Variants in UNC5D observed in about 807,000 individuals in gnomAD.
The protein encoded by UNC5D is netrin receptor UNC5D.
In UNC5D, 39 loss-of-function variants were observed where a neutral mutation model predicts 105.4. That is an observed-to-expected ratio of 0.37 (90% CI 0.29 to 0.48). UNC5D has a LOEUF of 0.48. Among genes scored for constraint, UNC5D ranks in the 20% least tolerant of loss-of-function variants. The pLI, the probability that UNC5D is intolerant of heterozygous loss-of-function variation, is 0.98. For synonymous variants in UNC5D, 452 were observed against 450.4 expected (o/e 1.00, Z -0.04); for missense variants, 991 against 1,202.4 (o/e 0.82, Z 2.60).
chr8:35,726,085 G>C, intron 9 of UNC5D, 67 bp from the exon 10 acceptor site: 1 of 1,534,576 alleles, frequency 6.5e-7, no homozygotes, highest in Non-Finnish European at 8.8e-7. Flanking sequence ...GTTTGCAGAG[G>C]CAGAAGTACA....
intron 7 of UNC5D, among the ~76,000 whole-genome samples, chr8:35,704,006 G>A (rs1008552379): frequency 8.5e-5 from 13 of 152,114 alleles, no homozygotes; most frequent in African/African-American, 2.4e-4. Context: ...AACTAGTACC[G>A]TCACATCTGT....
At chr8:35,473,462 T>A (rs994132033) in intron 1 of UNC5D, among the ~76,000 whole-genome samples, 4 of 152,154 alleles carry the variant, frequency 2.6e-5, no homozygotes, top group African/African-American at 7.2e-5. Context: ...CCTCACACAC[T>A]TTTTTCTCAT....
At chr8:35,608,105 A>G (rs1820432648) in intron 4 of UNC5D, among the ~76,000 whole-genome samples, 1 of 152,210 alleles carries the variant, frequency 6.6e-6, no homozygotes, top group Non-Finnish European at 1.5e-5. Context: ...CCCAGGTTCC[A>G]AATCAACATG....
At chr8:35,338,409 G>T (rs1006911680) in intron 1 of UNC5D, among the ~76,000 whole-genome samples, 2 of 152,122 alleles carry the variant, frequency 1.3e-5, no homozygotes, top group South Asian at 4.1e-4. Flanking sequence ...TGGGGTGTGT[G>T]TGTGTGTAAA....
At chr8:35,445,629 G>A (rs1807728146) in intron 1 of UNC5D, among the ~76,000 whole-genome samples, 1 of 151,972 alleles carries the variant, frequency 6.6e-6, no homozygotes, top group Non-Finnish European at 1.5e-5. Context: ...TTGATAATCT[G>A]GCCCAGAAGT....
At chr8:35,354,156 A>G (rs1286094149) in intron 1 of UNC5D, among the ~76,000 whole-genome samples, 1 of 152,186 alleles carries the variant, frequency 6.6e-6, no homozygotes, top group Non-Finnish European at 1.5e-5. Flanking sequence ...GAATCACAGC[A>G]TATTGCTATT....
chr8:35,398,944 T>C (rs1804270032), intron 1 of UNC5D, among the ~76,000 whole-genome samples: 1 of 151,902 alleles, frequency 6.6e-6, no homozygotes, highest in Admixed American at 6.6e-5. Context: ...TTGCCTGAGC[T>C]CAGGAGTTCG....
intron 15 of UNC5D, among the ~76,000 whole-genome samples, chr8:35,772,866 C>T (rs1185757165): frequency 6.6e-6 from 1 of 151,600 alleles, no homozygotes; most frequent in Non-Finnish European, 1.5e-5. Flanking sequence ...GACTAAGGTC[C>T]CCATTTTCTT....
intron 1 of UNC5D, among the ~76,000 whole-genome samples, chr8:35,259,365 T>A (rs1406379): frequency 0.88 from 134,512 of 152,158 alleles, 59,586 homozygotes; most frequent in East Asian, 1. Flanking sequence ...AGTACTTTCC[T>A]GGGCAGAAGT....
At chr8:35,237,031 A>C (rs1427484963) in intron 1 of UNC5D, among the ~76,000 whole-genome samples, 1 of 152,150 alleles carries the variant, frequency 6.6e-6, no homozygotes, top group Non-Finnish European at 1.5e-5. Context: ...CGATCACAAA[A>C]GAACCAATGT....
intron 1 of UNC5D, among the ~76,000 whole-genome samples, chr8:35,432,708 T>C (rs1806728694): frequency 6.6e-6 from 1 of 152,166 alleles, no homozygotes; most frequent in Non-Finnish European, 1.5e-5. Flanking sequence ...TAAACCATCT[T>C]ATCTTACTTG....
intron 1 of UNC5D, among the ~76,000 whole-genome samples, chr8:35,524,680 GGAAAA>G (rs1253722034): frequency 7.0e-6 from 1 of 143,720 alleles, no homozygotes; most frequent in Non-Finnish European, 1.5e-5. Flanking sequence ...GAAAAAAAAA[GGAAAA>G]GAAAACAAAA....
At chr8:35,489,363 G>T (rs751294367) in intron 1 of UNC5D, among the ~76,000 whole-genome samples, 7 of 152,048 alleles carry the variant, frequency 4.6e-5, no homozygotes, top group Non-Finnish European at 8.8e-5. Flanking sequence ...ATATGTTGAA[G>T]TTCTAACACC....
At chr8:35,737,252 CTGTGTGTGTG>C (rs369792188) in intron 11 of UNC5D, among the ~76,000 whole-genome samples, 146 of 119,880 alleles carry the variant, frequency 1.2e-3, no homozygotes, top group South Asian at 6.2e-3. Flanking sequence ...AAGATCTGCT[CTGTGTGTGTG>C]TGTGTGTGTG....
intron 2 of UNC5D, among the ~76,000 whole-genome samples, chr8:35,558,354 GA>G (rs1281027716): frequency 9.2e-5 from 14 of 151,938 alleles, no homozygotes; most frequent in Non-Finnish European, 1.9e-4. Context: ...CTACAAAATA[GA>G]AATAATAGTA....
intron 1 of UNC5D, among the ~76,000 whole-genome samples, chr8:35,523,672 G>A (rs1813654076): frequency 7.6e-6 from 1 of 131,052 alleles, no homozygotes; most frequent in Non-Finnish European, 1.6e-5. Context: ...TTGAAGGCAG[G>A]GCTTGAATTA....
chr8:35,329,303 G>A (rs1211511825), intron 1 of UNC5D, among the ~76,000 whole-genome samples: 1 of 151,410 alleles, frequency 6.6e-6, no homozygotes, highest in Non-Finnish European at 1.5e-5. Context: ...TGTCCTCTAG[G>A]AAGATTACAT....
chr8:35,329,792 C>G (rs1165652970), intron 1 of UNC5D, among the ~76,000 whole-genome samples: 1 of 152,162 alleles, frequency 6.6e-6, no homozygotes, highest in South Asian at 2.1e-4. Flanking sequence ...ACATGAGGCT[C>G]TTATTGTACT....
intron 1 of UNC5D, among the ~76,000 whole-genome samples, chr8:35,407,825 A>G (rs1804907770): frequency 6.6e-6 from 1 of 152,116 alleles, no homozygotes; most frequent in Non-Finnish European, 1.5e-5. Context: ...TTTGCTAAGG[A>G]TAATGGCCTC....
Sources: gnomAD v4.1 joint callset for allele counts (sites outside exome capture counted in the v4.1 genomes callset) on GRCh38, gnomAD v4.1.1 for gene constraint, MANE v1.5 for transcripts, NCBI Gene and HGNC (gene_info 2026-07-23, HGNC 2026-07-21) for gene names.